The following SULF2 variants were observed in gnomAD, a reference collection of about 807,000 sequenced individuals.
SULF2 encodes the protein sulfatase 2, also known as extracellular sulfatase Sulf-2.
Under a neutral mutation model 107.7 loss-of-function variants are expected in SULF2, and 52 were observed. That is an observed-to-expected ratio of 0.48 (90% CI 0.39 to 0.61). SULF2 has a LOEUF of 0.61. SULF2 is among the 20% of genes least tolerant of loss of function. The pLI is 0.00. For synonymous variants in SULF2, 460 were observed against 464.3 expected (o/e 0.99, Z 0.12); for missense variants, 993 against 1,177.3 (o/e 0.84, Z 2.29).
intron 18 of SULF2, among the ~76,000 whole-genome samples, chr20:47,660,181 C>T (rs1214046761): frequency 6.6e-6 from 1 of 152,212 alleles, no homozygotes; most frequent in Non-Finnish European, 1.5e-5. Flanking sequence ...CCTTACTCCT[C>T]CATAAAATGA....
rs144895124 is a variant in SULF2 at position 47,763,254 on chromosome 20, G to C, written c.-100-5791C>G. Reference sequence around the variant, plus strand: ...CTCGCCAGCCCAGGAGACATCTCTGGAAACAGCTAACGTCCTGAGCATTTA... The same window carrying C: ...CTCGCCAGCCCAGGAGACATCTCTGCAAACAGCTAACGTCCTGAGCATTTA... On this transcript the variant is annotated intron_variant, in intron 1 of 20. Transcript: ENST00000688720. Among the ~76,000 whole-genome samples, 380 of 152,284 alleles carry C rather than the reference G, an allele frequency of 2.5e-3. 5 individuals are homozygous for C. The highest frequency in any genetic ancestry group is 8.9e-3 in the African/African-American group (369 of 41,548).
intron 1 of SULF2, among the ~76,000 whole-genome samples, chr20:47,763,448 G>A (rs2146937405): frequency 6.6e-6 from 1 of 152,308 alleles, no homozygotes; most frequent in Admixed American, 6.5e-5. Context: ...TTCCTCTGAG[G>A]ATCTCCAAAT....
intron 11 of SULF2, among the ~76,000 whole-genome samples, chr20:47,669,972 G>C (rs1407556106): frequency 6.6e-6 from 1 of 152,136 alleles, no homozygotes; most frequent in South Asian, 2.1e-4. Context: ...AGTTAATGTA[G>C]TAGTTCCTAA....
At chr20:47,733,127 G>C (rs1291129027) in intron 3 of SULF2, among the ~76,000 whole-genome samples, 1 of 152,118 alleles carries the variant, frequency 6.6e-6, no homozygotes, top group Non-Finnish European at 1.5e-5. Context: ...AATGACGCTG[G>C]AAGATAGCTC....
chr20:47,701,831 G>C (rs985989281), intron 4 of SULF2, among the ~76,000 whole-genome samples: 1 of 152,170 alleles, frequency 6.6e-6, no homozygotes, highest in Non-Finnish European at 1.5e-5. Flanking sequence ...TATCCTCGCG[G>C]GAGGGGTGTC....
rs76856581 is a variant in SULF2, at chr20:47,729,677, G to A, written c.415+7026C>T. ...CGAGGAGAAGCCTGTGAGAGGCGCC[G>A]GGGAGGCGGGGGACCAGGAAGTGAT... is the stretch of plus-strand genomic sequence containing the variant. On this transcript the variant is annotated intron_variant, in intron 3 of 20. Coordinates refer to ENST00000688720, the MANE Select transcript of SULF2 (RefSeq NM_001387048.1). 7.5e-3 allele frequency among the ~76,000 whole-genome samples: 1,140 copies of A among 152,336 alleles called. 14 individuals carry two copies. Among genetic ancestry groups the A allele is most frequent in the African/African-American group, 0.025 (1,030 of 41,582 alleles).
At chr20:47,752,341 G>C (rs906882317) in intron 2 of SULF2, among the ~76,000 whole-genome samples, 13 of 152,162 alleles carry the variant, frequency 8.5e-5, no homozygotes, top group African/African-American at 3.1e-4. Context: ...TCTTTCCCAA[G>C]GACACATGGT....
intron 3 of SULF2, among the ~76,000 whole-genome samples, chr20:47,724,382 G>C (rs2089380264): frequency 6.6e-6 from 1 of 152,218 alleles, no homozygotes; most frequent in Non-Finnish European, 1.5e-5. Context: ...GTGAGGCTGT[G>C]GCTATTGAGG....
At position 47,757,179 on chromosome 20, in the gene SULF2, C is replaced by G. The variant is rs1033793353; in HGVS notation, c.175+10G>C. 5.2e-6 allele frequency: 8 copies of G among 1,543,904 alleles called. No homozygotes were observed. The highest frequency in any genetic ancestry group is 2.4e-5 in the South Asian group (2 of 83,844). On this transcript the variant is annotated intron_variant, in intron 2 of 20. Transcript: ENST00000688720. ...GGGCCGAGGTGCCACCCTGGGGCCC[C>G]GAGGCTTACCCAGCTCCACATCCTG...
At chr20:47,766,003 T>A (rs1271514835) in intron 1 of SULF2, among the ~76,000 whole-genome samples, 1 of 152,082 alleles carries the variant, frequency 6.6e-6, no homozygotes, top group African/African-American at 2.4e-5. Context: ...ATCCAAAGGA[T>A]TTGGATGGCC....
At chr20:47,730,247 C>T (rs141433451) in intron 3 of SULF2, among the ~76,000 whole-genome samples, 62 of 152,290 alleles carry the variant, frequency 4.1e-4, no homozygotes, top group Non-Finnish European at 6.3e-4. Context: ...GCTCCCCTGA[C>T]GCATTTTAGA....
intron 3 of SULF2, among the ~76,000 whole-genome samples, chr20:47,718,360 T>C (rs892113255): frequency 6.6e-6 from 1 of 152,216 alleles, no homozygotes; most frequent in African/African-American, 2.4e-5. Flanking sequence ...CATGATGTTA[T>C]ATATTCATTC....
At chr20:47,767,043 G>T (rs1016788212) in intron 1 of SULF2, among the ~76,000 whole-genome samples, 1 of 152,146 alleles carries the variant, frequency 6.6e-6, no homozygotes, top group African/African-American at 2.4e-5. Flanking sequence ...TTACTTGGGG[G>T]AAAATGCCAC....
intron 13 of SULF2, among the ~76,000 whole-genome samples, chr20:47,665,600 C>A (rs2087237022): frequency 6.6e-6 from 1 of 152,230 alleles, no homozygotes; most frequent in South Asian, 2.1e-4. Context: ...TGAAAGGCCT[C>A]CTGTAGCGTA....
chr20:47,764,350 C>A (rs2090481660), intron 1 of SULF2, among the ~76,000 whole-genome samples: 1 of 151,490 alleles, frequency 6.6e-6, no homozygotes, highest in Non-Finnish European at 1.5e-5. Context: ...GCATAGCAGG[C>A]ATTCAAAATA....
chr20:47,659,461 TCA>T lies in SULF2; in HGVS notation c.2529-11_2529-10del. On this transcript the variant is annotated splice_polypyrimidine_tract_variant and intron_variant, in intron 19 of 20. Transcript: ENST00000688720. ...TTCGACGCTGAAACTGCCTAAGTTT[TCA>T]AGTGTCAAAGGAGAATGAATGTTAA... The T allele has an allele frequency of 6.2e-7, 1 of 1,613,930 alleles. No individual in the cohort carries two copies. Among genetic ancestry groups the T allele is most frequent in the Non-Finnish European group, 8.5e-7 (1 of 1,179,846 alleles).
At chr20:47,740,611 G>A (rs1325402061) in intron 2 of SULF2, among the ~76,000 whole-genome samples, 1 of 151,900 alleles carries the variant, frequency 6.6e-6, no homozygotes, top group African/African-American at 2.4e-5. Context: ...AGTAACCTTA[G>A]CTTTTCCTTT....
intron 3 of SULF2, among the ~76,000 whole-genome samples, chr20:47,710,481 A>G (rs2088891483): frequency 6.6e-6 from 1 of 151,788 alleles, no homozygotes; most frequent in Non-Finnish European, 1.5e-5. Context: ...CACGCCACAG[A>G]GCCTAGGTGT....
chr20:47,705,415 C>A (rs2088699543), intron 3 of SULF2, among the ~76,000 whole-genome samples: 1 of 152,160 alleles, frequency 6.6e-6, no homozygotes, highest in African/African-American at 2.4e-5. Flanking sequence ...GTGGTGGGTG[C>A]CTAATTAAAC....
Sources: gnomAD v4.1 joint callset for allele counts (sites outside exome capture counted in the v4.1 genomes callset) on GRCh38, gnomAD v4.1.1 for gene constraint, MANE v1.5 for transcripts, NCBI Gene and HGNC (gene_info 2026-07-23, HGNC 2026-07-21) for gene names.